The following GALNT1 variants were observed in gnomAD, a reference collection of about 807,000 sequenced individuals.
The protein encoded by GALNT1 is GalNAc transferase 1.
GALNT1 carries 17 observed loss-of-function variants against 65.7 expected under a neutral mutation model. That is an observed-to-expected ratio of 0.26 (90% CI 0.18 to 0.39). The LOEUF is 0.39. Ranked by LOEUF, GALNT1 falls within the 10% of genes least tolerant of loss-of-function variation. The pLI is 1.00. For synonymous variants in GALNT1, 210 were observed against 219.7 expected, an observed-to-expected ratio of 0.96 and a Z score of 0.39; for missense variants, 460 against 672.8, an observed-to-expected ratio of 0.68 and a Z score of 3.50.
intron 1 of GALNT1, chr18:35,597,714 T>A (rs2046522759): frequency 6.6e-6 from 1 of 152,306 alleles, no homozygotes; most frequent in South Asian, 2.1e-4. Context: ...TTAATACTTT[T>A]AAATGAATTT....
chr18:35,617,919 C>G (rs1292992705), intron 1 of GALNT1, among the ~76,000 whole-genome samples: 1 of 152,104 alleles, frequency 6.6e-6, no homozygotes. Flanking sequence ...TTATTTCTCT[C>G]CCTTTCTCTT....
chr18:35,625,411 A>AT (rs1457692065), intron 1 of GALNT1, among the ~76,000 whole-genome samples: 11 of 152,236 alleles, frequency 7.2e-5, no homozygotes, highest in Non-Finnish European at 1.2e-4. Context: ...GGCTTTATTT[A>AT]TAGCCTGCCT....
chr18:35,695,393 GA>G (rs536160961), intron 9 of GALNT1, among the ~76,000 whole-genome samples: 71 of 152,268 alleles, frequency 4.7e-4, no homozygotes, highest in African/African-American at 1.6e-3. Context: ...GAAGTGTGAG[GA>G]CCTTCTCTTC....
At chr18:35,672,538 T>C (rs1197023261) in intron 3 of GALNT1, among the ~76,000 whole-genome samples, 1 of 152,160 alleles carries the variant, frequency 6.6e-6, no homozygotes, top group Non-Finnish European at 1.5e-5. Context: ...TTCTAAGACA[T>C]GGGCTTAACT....
chr18:35,654,953 A>G (rs757933078), intron 2 of GALNT1, 152 bp downstream of exon 2: 6 of 481,976 alleles, frequency 1.2e-5, no homozygotes, highest in Non-Finnish European at 2.0e-5. Context: ...TAGTTCTCCA[A>G]TGGGTTCATC....
rs761817943 is a variant in GALNT1 at position 35,689,302 on chromosome 18, TA to T, written c.978+19del. On this transcript the variant is annotated intron_variant, in intron 7 of 11. Coordinates refer to ENST00000269195, the MANE Select transcript of GALNT1 (RefSeq NM_020474.4). Reference sequence around the variant, plus strand: ...AAATTTCCTTTAGGGTAAGTTCCCTTAAAAAAATTTAATCTTTTATTTAACT... The same window carrying T: ...AAATTTCCTTTAGGGTAAGTTCCCTTAAAAAATTTAATCTTTTATTTAACT... The T allele has an allele frequency of 5.6e-6, 8 of 1,419,768 alleles. No homozygotes were observed. The highest frequency in any genetic ancestry group is 1.2e-5 in the South Asian group (1 of 82,406). 87.9% of individuals were successfully genotyped at this position (1,419,768 alleles called of 1,614,324 possible).
At chr18:35,639,877 A>AC (rs141084355) in intron 1 of GALNT1, among the ~76,000 whole-genome samples, 1,963 of 152,112 alleles carry the variant, frequency 0.013, 46 homozygotes, top group African/African-American at 0.045. Context: ...GCTCACTGCA[A>AC]CCTCCACCTC....
intron 1 of GALNT1, among the ~76,000 whole-genome samples, chr18:35,585,836 A>G (rs1199368920): frequency 6.6e-6 from 1 of 152,222 alleles, no homozygotes; most frequent in Non-Finnish European, 1.5e-5. Flanking sequence ...ATTCCATAGT[A>G]TGAATGTACT....
chr18:35,686,299 G>A (rs1370184537), intron 5 of GALNT1, among the ~76,000 whole-genome samples: 3 of 152,128 alleles, frequency 2.0e-5, no homozygotes, highest in South Asian at 2.1e-4. Context: ...TAAATTCAGT[G>A]CATTTCCAAT....
chr18:35,662,812 C>T (rs2047495964), intron 2 of GALNT1, among the ~76,000 whole-genome samples: 1 of 152,128 alleles, frequency 6.6e-6, no homozygotes, highest in South Asian at 2.1e-4. Context: ...TTTTCTTGGA[C>T]ATTTATTAAC....
intron 4 of GALNT1, among the ~76,000 whole-genome samples, chr18:35,678,855 T>G (rs962737924): frequency 3.3e-5 from 5 of 152,202 alleles, no homozygotes; most frequent in Non-Finnish European, 7.4e-5. Context: ...TTAAGTTTAT[T>G]CACATCAAAT....
At chr18:35,638,332 G>A (rs1273919953) in intron 1 of GALNT1, among the ~76,000 whole-genome samples, 2 of 152,178 alleles carry the variant, frequency 1.3e-5, no homozygotes, top group African/African-American at 4.8e-5. Context: ...CAAGGAGGGT[G>A]TTGTAAAGAG....
At chr18:35,595,949 T>C (rs1477081308) in intron 1 of GALNT1, 12 of 152,158 alleles carry the variant, frequency 7.9e-5, no homozygotes, top group Admixed American at 7.9e-4. Context: ...TGTGACATGC[T>C]GGTAGGCATT....
intron 1 of GALNT1, among the ~76,000 whole-genome samples, chr18:35,629,589 C>A (rs1404577424): frequency 3.9e-5 from 6 of 152,116 alleles, no homozygotes; most frequent in Non-Finnish European, 8.8e-5. Flanking sequence ...AAAGGAAGAA[C>A]CGGTACCAGC....
intron 1 of GALNT1, among the ~76,000 whole-genome samples, chr18:35,627,750 C>CGAGCGT (rs112856817): frequency 1.3e-5 from 2 of 151,832 alleles, no homozygotes; most frequent in South Asian, 4.2e-4. Context: ...TGTAGCACAC[C>CGAGCGT]GAGCTGAAGC....
In GALNT1 at chr18:35,710,000, T is replaced by G. The variant is rs559402040; in HGVS notation, c.*230T>G. The G allele has an allele frequency of 2.3e-6, 1 of 438,890 alleles. No homozygotes were observed. The highest frequency in any genetic ancestry group is 3.5e-5 in the Admixed American group (1 of 28,186). The allele number at this position is 438,890 out of a possible 1,614,324, so 27.2% of individuals were successfully genotyped here. On this transcript the variant is annotated 3_prime_UTR_variant, in exon 12 of 12. Coordinates refer to ENST00000269195, the MANE Select transcript of GALNT1 (RefSeq NM_020474.4). ...AGTAATGAGACTGTGCACACTGATG[T>G]TTACAAGATTGAAAGAGTCTTTCTC... is the stretch of plus-strand genomic sequence containing the variant.
intron 1 of GALNT1, among the ~76,000 whole-genome samples, chr18:35,647,104 G>A (rs1006315340): frequency 2.0e-5 from 3 of 152,076 alleles, no homozygotes; most frequent in Non-Finnish European, 4.4e-5. Context: ...TTTTTCTTCA[G>A]TTCACTAGCT....
intron 1 of GALNT1, among the ~76,000 whole-genome samples, chr18:35,606,586 G>A (rs2046650289): frequency 6.6e-6 from 1 of 152,120 alleles, no homozygotes; most frequent in African/African-American, 2.4e-5. Flanking sequence ...AATTCTTTCT[G>A]GGAGGTACAG....
chr18:35,656,541 G>A (rs2047388650), intron 2 of GALNT1, among the ~76,000 whole-genome samples: 1 of 152,222 alleles, frequency 6.6e-6, no homozygotes, highest in African/African-American at 2.4e-5. Flanking sequence ...TAGGAGAGGA[G>A]AAGACCTTCC....
Sources: gnomAD v4.1 joint callset for allele counts (sites outside exome capture counted in the v4.1 genomes callset) on GRCh38, gnomAD v4.1.1 for gene constraint, MANE v1.5 for transcripts, NCBI Gene and HGNC (gene_info 2026-07-23, HGNC 2026-07-21) for gene names.